SLC14A2: variants seen among roughly 807,000 people sequenced by gnomAD.
SLC14A2 encodes the protein urea transporter 2.
In SLC14A2, 91 loss-of-function variants were observed where a neutral mutation model predicts 104.6. The observed-to-expected ratio is 0.87, with a 90% CI of 0.73 to 1.04. The LOEUF (loss-of-function observed/expected upper bound fraction) is 1.04. SLC14A2 is among the 50% of genes least tolerant of loss of function. The pLI, the probability that SLC14A2 is intolerant of heterozygous loss-of-function variation, is 0.00. For synonymous variants in SLC14A2, 476 were observed against 466.4 expected (o/e 1.02, Z -0.27); for missense variants, 1,189 against 1,156.0 (o/e 1.03, Z -0.41).
chr18:45,538,461 G>C lies in SLC14A2; in HGVS notation c.-35+55139G>C, dbSNP rs181364197. Reference sequence around the variant, plus strand: ...TCATTTCAAGGCTCGACTGGGACTGGAGAATCCACTCCTAATCTCATCACC... The same window carrying C: ...TCATTTCAAGGCTCGACTGGGACTGCAGAATCCACTCCTAATCTCATCACC... On this transcript the variant is annotated intron_variant, in intron 2 of 20. Transcript: ENST00000586448. Among the ~76,000 whole-genome samples, 26 of 152,296 alleles carry C rather than the reference G, an allele frequency of 1.7e-4. 1 individual carries two copies. The East Asian group carries it at 4.8e-3, about 28-fold the overall frequency.
chr18:45,450,288 G>C (rs2086837312), intron 1 of SLC14A2, among the ~76,000 whole-genome samples: 2 of 152,102 alleles, frequency 1.3e-5, no homozygotes, highest in South Asian at 4.2e-4. Flanking sequence ...GGCCCTGTTA[G>C]GAAACATCTT....
chr18:45,374,408 G>A (rs1015918183), intron 1 of SLC14A2, among the ~76,000 whole-genome samples: 1 of 152,186 alleles, frequency 6.6e-6, no homozygotes, highest in Non-Finnish European at 1.5e-5. Flanking sequence ...AAGAGCCAGA[G>A]CCAAATATTT....
intron 1 of SLC14A2, among the ~76,000 whole-genome samples, chr18:45,462,815 C>G (rs1183125898): frequency 6.6e-6 from 1 of 152,052 alleles, no homozygotes; most frequent in Non-Finnish European, 1.5e-5. Flanking sequence ...AATTTCCTCA[C>G]CTGCAAAATG....
At chr18:45,638,947 C>T (rs892082823) in intron 6 of SLC14A2, among the ~76,000 whole-genome samples, 3 of 152,164 alleles carry the variant, frequency 2.0e-5, no homozygotes, top group Non-Finnish European at 4.4e-5. Flanking sequence ...CCTCAAAGGA[C>T]TCCAAAAATA....
chr18:45,195,032 T>C, the SLC14A2 span, among the ~76,000 whole-genome samples: 1 of 152,196 alleles, frequency 6.6e-6, no homozygotes, highest in Non-Finnish European at 1.5e-5. Context: ...GAAACTTCTT[T>C]CACCGCACTT....
chr18:45,214,117 A>G (rs2083986668), intron 1 of SLC14A2, among the ~76,000 whole-genome samples: 1 of 152,180 alleles, frequency 6.6e-6, no homozygotes, highest in African/African-American at 2.4e-5. Context: ...CTGCTACGTT[A>G]ATAAGCCAAA....
intron 2 of SLC14A2, among the ~76,000 whole-genome samples, chr18:45,525,705 G>A (rs1451955216): frequency 6.6e-6 from 1 of 152,176 alleles, no homozygotes; most frequent in African/African-American, 2.4e-5. Context: ...TCACATTTTA[G>A]ATGATGCTTC....
intron 1 of SLC14A2, among the ~76,000 whole-genome samples, chr18:45,271,311 A>G (rs1288388356): frequency 6.6e-6 from 1 of 152,100 alleles, no homozygotes; most frequent in Non-Finnish European, 1.5e-5. Flanking sequence ...AGCAATGGTT[A>G]TTTTTTCCTT....
intron 1 of SLC14A2, among the ~76,000 whole-genome samples, chr18:45,395,101 A>G (rs1195874143): frequency 1.3e-5 from 2 of 152,218 alleles, no homozygotes; most frequent in Admixed American, 1.3e-4. Flanking sequence ...TTGCAACATT[A>G]TTCACAATAG....
chr18:45,586,345 TGAGGAGTGGGG>T (rs940170153), intron 2 of SLC14A2, among the ~76,000 whole-genome samples: 2 of 151,914 alleles, frequency 1.3e-5, no homozygotes, highest in African/African-American at 2.4e-5. Context: ...GTCAGTGTAG[TGAGGAGTGGGG>T]GAGGAGAGGA....
At chr18:45,679,541 G>T (rs2046282281) in intron 19 of SLC14A2, among the ~76,000 whole-genome samples, 1 of 152,172 alleles carries the variant, frequency 6.6e-6, no homozygotes, top group Admixed American at 6.5e-5. Context: ...GATGTGTGAG[G>T]TCAGGAGGAG....
At chr18:45,507,061 T>C (rs1810642389) in intron 2 of SLC14A2, 1 of 152,264 alleles carries the variant, frequency 6.6e-6, no homozygotes, top group South Asian at 2.1e-4. Context: ...GGACAAGGTC[T>C]ACGAATCCCT....
intron 1 of SLC14A2, among the ~76,000 whole-genome samples, chr18:45,429,274 T>C (rs147460998): frequency 6.6e-6 from 1 of 152,230 alleles, no homozygotes; most frequent in Non-Finnish European, 1.5e-5. Context: ...GAATAAATAC[T>C]GTTATGTTTT....
At chr18:45,294,522 G>A (rs1232789187) in intron 1 of SLC14A2, among the ~76,000 whole-genome samples, 1 of 152,202 alleles carries the variant, frequency 6.6e-6, no homozygotes, top group African/African-American at 2.4e-5. Flanking sequence ...AGATATTGTA[G>A]AATTTCTGGA....
chr18:45,516,332 AC>A (rs544847960), intron 2 of SLC14A2, among the ~76,000 whole-genome samples: 98 of 152,196 alleles, frequency 6.4e-4, no homozygotes, highest in African/African-American at 2.2e-3. Context: ...CACTTAGGTA[AC>A]AGTTTGAAGA....
In SLC14A2 at chr18:45,398,989, T is replaced by C. The variant is rs2086066276; in HGVS notation, c.-124-84244T>C. 2.0e-5 allele frequency among the ~76,000 whole-genome samples: 3 copies of C among 152,310 alleles called. No individual in the cohort carries two copies. The South Asian group carries it at 6.2e-4, about 32-fold the overall frequency. ...ATTAAAATGGTAAATTATGTGTTTT[T>C]TACCAAAATAAAAAATACTTAGCCC... On this transcript the variant is annotated intron_variant, in intron 1 of 20. Transcript: ENST00000586448.
chr18:45,354,005 C>T (rs190618144), intron 1 of SLC14A2, among the ~76,000 whole-genome samples: 66 of 152,310 alleles, frequency 4.3e-4, no homozygotes, highest in African/African-American at 1.5e-3. Context: ...TGTGCTCTCC[C>T]TTCACCATGA....
In SLC14A2 at chr18:45,678,949, T is replaced by A. The variant is rs180948566; in HGVS notation, c.2513-26T>A. The A allele has an allele frequency of 2.8e-5, 43 of 1,548,568 alleles. No homozygotes were observed. The African/African-American group carries it at 4.2e-4, about 15-fold the overall frequency. The stretch of plus-strand genomic sequence containing the variant: ...GCTATTAAATAGTTACTGGTCTATT[T>A]CTTTCTTTTTTTTTTTTTTTTCTAG... On this transcript the variant is annotated intron_variant, in intron 18 of 19. Transcript: ENST00000255226.
chr18:45,211,862 G>C (rs1462167498), upstream of SLC14A2, among the ~76,000 whole-genome samples: 2 of 152,172 alleles, frequency 1.3e-5, no homozygotes, highest in African/African-American at 2.4e-5. Context: ...GTTAAGATGA[G>C]AGCCAACCAT....
Sources: allele counts gnomAD v4.1 joint callset (sites outside exome capture counted in the v4.1 genomes callset), GRCh38; gene constraint gnomAD v4.1.1; transcripts MANE v1.5; gene names NCBI Gene and HGNC (gene_info 2026-07-23, HGNC 2026-07-21).